FAM178B: variants seen among roughly 807,000 people sequenced by gnomAD.
The protein encoded by FAM178B is family with sequence similarity 178 member B.
In FAM178B, 82 loss-of-function variants were observed where a neutral mutation model predicts 91.7. The ratio of observed to expected loss-of-function variants is 0.89; its 90% CI spans 0.75 to 1.07. The LOEUF (loss-of-function observed/expected upper bound fraction) is 1.07. Among genes scored for constraint, FAM178B ranks in the 50% least tolerant of loss-of-function variants. FAM178B has a pLI of 0.00. For missense variants in FAM178B, 769 were observed against 846.7 expected (o/e 0.91, Z 1.14); for synonymous variants, 368 against 359.4 (o/e 1.02, Z -0.27).
rs754494678 is a variant in FAM178B at position 96,923,593 on chromosome 2, GACA to G, written c.1194-13_1194-11del. 103 of 1,549,694 alleles carry G rather than the reference GACA, an allele frequency of 6.6e-5. No individual in the cohort carries two copies. The highest frequency in any genetic ancestry group is 2.2e-4 in the Admixed American group (11 of 50,988). ...CTCGCCTGGAAGCACCCTGTGGTAAGACAACAACAGTGACGATGGGAAACCCAG... is the reference window on the plus strand; with the variant it reads ...CTCGCCTGGAAGCACCCTGTGGTAAGACAACAGTGACGATGGGAAACCCAG... On this transcript the variant is annotated splice_polypyrimidine_tract_variant and intron_variant, in intron 9 of 16. Transcript: ENST00000490605.
intron 13 of FAM178B, among the ~76,000 whole-genome samples, chr2:96,897,611 C>T (rs1017058370): frequency 2.6e-5 from 4 of 152,168 alleles, no homozygotes; most frequent in South Asian, 2.1e-4. Context: ...TCTCTTGCAT[C>T]GCACATCCCA....
intron 13 of FAM178B, among the ~76,000 whole-genome samples, chr2:96,895,977 G>A (rs1201737231): frequency 6.6e-6 from 1 of 152,230 alleles, no homozygotes; most frequent in Non-Finnish European, 1.5e-5. Flanking sequence ...TGGGAGGGGG[G>A]AGGAAGGTTC....
chr2:96,986,141 G>A (rs2153376797), intron 1 of FAM178B, 100 bp downstream of exon 1: 1 of 1,515,498 alleles, frequency 6.6e-7, no homozygotes, highest in Non-Finnish European at 8.8e-7. Context: ...CACCGGGGCT[G>A]ACCTGCAAGG....
chr2:96,983,392 C>T (rs574623732), intron 1 of FAM178B, among the ~76,000 whole-genome samples: 7 of 152,236 alleles, frequency 4.6e-5, no homozygotes, highest in Admixed American at 2.0e-4. Context: ...CTATCACCAC[C>T]GATTATTTTG....
chr2:96,944,414 T>C (rs774857964), intron 8 of FAM178B, among the ~76,000 whole-genome samples: 1 of 152,118 alleles, frequency 6.6e-6, no homozygotes. Flanking sequence ...CCAGTTCTAA[T>C]GAAACAAAAT....
intron 1 of FAM178B, among the ~76,000 whole-genome samples, chr2:96,984,795 C>T (rs141525375): frequency 6.6e-6 from 1 of 152,188 alleles, no homozygotes; most frequent in Non-Finnish European, 1.5e-5. Context: ...TTGAAACAAG[C>T]ACTTTCAAAG....
Position 96,876,175 on chromosome 2 carries a change from T to A in FAM178B, c.*101A>T, listed in dbSNP as rs1005924937. 1 of 1,243,736 alleles carries A rather than the reference T, an allele frequency of 8.0e-7. No homozygotes were observed. The highest frequency in any genetic ancestry group is 2.5e-5 in the East Asian group (1 of 40,290). The allele number at this position is 1,243,736 out of a possible 1,614,324, so 77.0% of individuals were successfully genotyped here. ...TCTTGCCTCATCAGGCTGGTCAGCA[T>A]GTGGCCTCCTCTGGCCTTGATGCTT... On this transcript the variant is annotated 3_prime_UTR_variant, in exon 17 of 17. Transcript: ENST00000490605.
rs533437805 is a variant in FAM178B at position 96,951,261 on chromosome 2, C to T, written c.993+118G>A. Reference sequence around the variant, plus strand: ...TCTCCTCCCTCCTCCCAGCCTGAGCCCAGCCAAGCAGCACCTAAGGCAAGA... The same window carrying T: ...TCTCCTCCCTCCTCCCAGCCTGAGCTCAGCCAAGCAGCACCTAAGGCAAGA... On this transcript the variant is annotated intron_variant, in intron 7 of 16. Transcript: ENST00000490605. The T allele has an allele frequency of 1.6e-3, 1,134 of 726,094 alleles. 2 individuals are homozygous for T. The highest frequency in any genetic ancestry group is 2.2e-3 in the Non-Finnish European group (937 of 416,564). 45.0% of individuals were successfully genotyped at this position (726,094 alleles called of 1,614,324 possible).
chr2:96,900,261 G>C lies in FAM178B; in HGVS notation c.1650+2359C>G, dbSNP rs187321613. Among the ~76,000 whole-genome samples the C allele has an allele frequency of 1.8e-4, 28 of 152,156 alleles. 1 individual carries two copies. The East Asian group carries it at 5.0e-3, about 27-fold the overall frequency. On this transcript the variant is annotated intron_variant, in intron 13 of 16. Coordinates refer to ENST00000490605, the MANE Select transcript of FAM178B (RefSeq NM_001122646.3). Reference sequence around the variant, plus strand: ...TGGCTGTTCCCAGCAACACCGCTGGGTCCCTCTGTTCTTCCTTCCTCACAG... The same window carrying C: ...TGGCTGTTCCCAGCAACACCGCTGGCTCCCTCTGTTCTTCCTTCCTCACAG...
At chr2:96,918,553 T>C (rs1289990056) in intron 12 of FAM178B, among the ~76,000 whole-genome samples, 3 of 152,226 alleles carry the variant, frequency 2.0e-5, no homozygotes, top group Non-Finnish European at 4.4e-5. Context: ...TTCATACCTA[T>C]TTGGTGGTGT....
chr2:96,923,669 C>T, intron 9 of FAM178B, 86 bp from the exon 10 acceptor site: 1 of 951,462 alleles, frequency 1.1e-6, no homozygotes, highest in African/African-American at 1.6e-5. Flanking sequence ...ACACTGCTGC[C>T]CTGAGGCTGC....
chr2:96,889,145 C>T (rs1340904694), intron 14 of FAM178B, among the ~76,000 whole-genome samples: 1 of 152,146 alleles, frequency 6.6e-6, no homozygotes, highest in Non-Finnish European at 1.5e-5. Context: ...GGAGGACATG[C>T]CCAGAGGGCA....
chr2:96,906,666 A>C (rs2081061938), intron 12 of FAM178B, among the ~76,000 whole-genome samples: 1 of 151,816 alleles, frequency 6.6e-6, no homozygotes, highest in Non-Finnish European at 1.5e-5. Flanking sequence ...CGGCCCCTAC[A>C]ACAGACCCCC....
At chr2:96,969,309 T>C (rs2082186465) in intron 4 of FAM178B, among the ~76,000 whole-genome samples, 1 of 152,200 alleles carries the variant, frequency 6.6e-6, no homozygotes, top group African/African-American at 2.4e-5. Flanking sequence ...AATGAGGTCA[T>C]AGGACAGGCC....
intron 7 of FAM178B, among the ~76,000 whole-genome samples, chr2:96,950,732 T>C (rs542593551): frequency 2.0e-5 from 3 of 152,112 alleles, no homozygotes; most frequent in Non-Finnish European, 4.4e-5. Flanking sequence ...CTGGGCAAAA[T>C]GTATGTTCCC....
At chr2:96,984,105 G>A (rs1417722302) in intron 1 of FAM178B, among the ~76,000 whole-genome samples, 1 of 152,092 alleles carries the variant, frequency 6.6e-6, no homozygotes, top group Non-Finnish European at 1.5e-5. Flanking sequence ...GAGAAGCTGA[G>A]ATTACAGGTA....
chr2:96,930,890 A>G (rs1185888917), intron 8 of FAM178B, among the ~76,000 whole-genome samples: 1 of 152,200 alleles, frequency 6.6e-6, no homozygotes, highest in East Asian at 1.9e-4. Context: ...CTTCTGCCAC[A>G]TAAGGAATTG....
intron 9 of FAM178B, among the ~76,000 whole-genome samples, chr2:96,923,895 C>A (rs555652549): frequency 2.0e-5 from 3 of 152,354 alleles, no homozygotes; most frequent in South Asian, 4.1e-4. Context: ...GGCCCCAGGG[C>A]CTCTCCACAG....
At chr2:96,911,055 AC>A (rs1427311028) in intron 12 of FAM178B, among the ~76,000 whole-genome samples, 3 of 152,104 alleles carry the variant, frequency 2.0e-5, no homozygotes, top group Non-Finnish European at 4.4e-5. Flanking sequence ...GGTGTGAGCC[AC>A]CGTGCCTGGC....
Sources: gnomAD v4.1 joint callset for allele counts (sites outside exome capture counted in the v4.1 genomes callset) on GRCh38, gnomAD v4.1.1 for gene constraint, MANE v1.5 for transcripts, NCBI Gene and HGNC (gene_info 2026-07-23, HGNC 2026-07-21) for gene names.